ACOXL: variants seen among roughly 807,000 people sequenced by gnomAD.
ACOXL encodes the protein acyl-CoA oxidase like.
Under a neutral mutation model 71.9 loss-of-function variants are expected in ACOXL, and 70 were observed. The observed-to-expected ratio is 0.97, with a 90% CI of 0.80 to 1.19. ACOXL has a LOEUF of 1.19. Among genes scored for constraint, ACOXL ranks in the 50% most tolerant of loss-of-function variants. The pLI is 0.00. For missense variants in ACOXL, 703 were observed against 736.3 expected (o/e 0.95, Z 0.52); for synonymous variants, 253 against 281.6 (o/e 0.90, Z 1.02).
intron 17 of ACOXL, among the ~76,000 whole-genome samples, chr2:111,106,929 G>A (rs1242620997): frequency 2.6e-5 from 4 of 152,142 alleles, no homozygotes; most frequent in Non-Finnish European, 5.9e-5. Flanking sequence ...CTCTGTTACC[G>A]CCATGTGATG....
At position 110,938,259 on chromosome 2, in the gene ACOXL, G is replaced by A. The variant is rs532619962; in HGVS notation, c.1059+4617G>A. 2.0e-5 allele frequency among the ~76,000 whole-genome samples: 3 copies of A among 152,334 alleles called. No homozygotes were observed. In the East Asian group the frequency reaches 5.8e-4, roughly 29 times the overall value. On this transcript the variant is annotated intron_variant, in intron 12 of 17. Transcript: ENST00000439055. Reference sequence around the variant, plus strand: ...GGTGCACTGAGGGACACCATGACAGGCATGGGCTGGGTCTCAGTGAGGATG... The same window carrying A: ...GGTGCACTGAGGGACACCATGACAGACATGGGCTGGGTCTCAGTGAGGATG...
intron 10 of ACOXL, among the ~76,000 whole-genome samples, chr2:110,905,393 T>A (rs1358531074): frequency 6.6e-6 from 1 of 152,166 alleles, no homozygotes; most frequent in Non-Finnish European, 1.5e-5. Flanking sequence ...GAGAAAAGGC[T>A]GGAACACTCA....
chr2:110,884,545 T>G (rs1697063170), intron 10 of ACOXL, among the ~76,000 whole-genome samples: 1 of 152,156 alleles, frequency 6.6e-6, no homozygotes, highest in African/African-American at 2.4e-5. Context: ...TGTTATTAAG[T>G]GAAAAAAACT....
At chr2:110,790,547 C>G (rs1684517981) in intron 3 of ACOXL, among the ~76,000 whole-genome samples, 1 of 152,174 alleles carries the variant, frequency 6.6e-6, no homozygotes, top group Non-Finnish European at 1.5e-5. Context: ...AAGGTGGGTG[C>G]ATGTTTGAAG....
At chr2:110,755,311 T>C (rs1040211517) in intron 1 of ACOXL, among the ~76,000 whole-genome samples, 3 of 152,056 alleles carry the variant, frequency 2.0e-5, no homozygotes, top group African/African-American at 4.8e-5. Flanking sequence ...ATTTGCCTAA[T>C]CTCCATATCT....
rs151309358 is a variant in ACOXL at position 111,051,426 on chromosome 2, C to T, written c.1440+2138C>T. 5.0e-3 allele frequency among the ~76,000 whole-genome samples: 767 copies of T among 152,312 alleles called. 11 individuals are homozygous for T. Among genetic ancestry groups the T allele is most frequent in the African/African-American group, 0.018 (742 of 41,568 alleles). Reference sequence around the variant, plus strand: ...TAAATTCCCACATTTAACTTAACCTCATGAAAACTTGTTGGAGGCAAAAAA... The same window carrying T: ...TAAATTCCCACATTTAACTTAACCTTATGAAAACTTGTTGGAGGCAAAAAA... On this transcript the variant is annotated intron_variant, in intron 16 of 17. Transcript: ENST00000439055.
intron 2 of ACOXL, among the ~76,000 whole-genome samples, chr2:110,775,375 T>A (rs1431884028): frequency 6.6e-6 from 1 of 152,070 alleles, no homozygotes; most frequent in Admixed American, 6.5e-5. Flanking sequence ...TAAGTAAAAA[T>A]TTATATAAAA....
intron 12 of ACOXL, chr2:110,963,682 C>A: frequency 6.2e-7 from 1 of 1,613,840 alleles, no homozygotes; most frequent in Non-Finnish European, 8.5e-7. Flanking sequence ...GTGTTTGCCA[C>A]TTTTGAAGGT....
chr2:110,825,501 C>A (rs763898123), intron 9 of ACOXL, among the ~76,000 whole-genome samples: 6 of 152,094 alleles, frequency 3.9e-5, no homozygotes, highest in Non-Finnish European at 5.9e-5. Context: ...AGGGGGCTCA[C>A]ACTGCCACAC....
rs2070496676 is a variant in ACOXL, at chr2:111,118,473, T to C, written c.*657T>C. ...CAAGACAAGGCGCGGAAAACATTTT[T>C]ACCATCTGACGCTGTAGTCTGTCCT... On this transcript the variant is annotated 3_prime_UTR_variant, in exon 18 of 18. Coordinates refer to ENST00000439055, the MANE Select transcript of ACOXL (RefSeq NM_001142807.4). Among the ~76,000 whole-genome samples the C allele has an allele frequency of 6.6e-6, 1 of 152,194 alleles. No homozygotes were observed. Among genetic ancestry groups the C allele is most frequent in the African/African-American group, 2.4e-5 (1 of 41,440 alleles).
chr2:111,109,711 C>T (rs2069812243), intron 17 of ACOXL, among the ~76,000 whole-genome samples: 1 of 122,846 alleles, frequency 8.1e-6, no homozygotes, highest in Admixed American at 9.5e-5. Context: ...CAGAGTCTCG[C>T]TCTTTCACCC....
intron 12 of ACOXL, among the ~76,000 whole-genome samples, chr2:110,934,817 T>C (rs2060602098): frequency 6.6e-6 from 1 of 152,120 alleles, no homozygotes; most frequent in South Asian, 2.1e-4. Flanking sequence ...GGGTGGGGCA[T>C]GTCTGCTTCA....
chr2:110,809,593 C>T (rs1687070507), intron 9 of ACOXL, among the ~76,000 whole-genome samples: 1 of 152,222 alleles, frequency 6.6e-6, no homozygotes, highest in African/African-American at 2.4e-5. Context: ...GACACACAAT[C>T]TTTTCCTACG....
intron 9 of ACOXL, among the ~76,000 whole-genome samples, chr2:110,821,075 C>T (rs892217886): frequency 1.3e-5 from 2 of 152,166 alleles, no homozygotes; most frequent in African/African-American, 2.4e-5. Context: ...TGTTGTACCT[C>T]ATAAGTTCTA....
chr2:110,936,836 C>A (rs189066767), intron 12 of ACOXL, among the ~76,000 whole-genome samples: 125 of 144,300 alleles, frequency 8.7e-4, no homozygotes, highest in African/African-American at 3.1e-3. Context: ...CTCTCTGAAC[C>A]ACTTATTTTA....
chr2:110,819,498 T>TG (rs934686706), intron 9 of ACOXL, among the ~76,000 whole-genome samples: 5 of 152,072 alleles, frequency 3.3e-5, no homozygotes, highest in Admixed American at 2.6e-4. Flanking sequence ...TGAGGGACTC[T>TG]GGACAAAGCC....
At chr2:111,015,461 C>T (rs2064380353) in intron 14 of ACOXL, among the ~76,000 whole-genome samples, 2 of 152,168 alleles carry the variant, frequency 1.3e-5, no homozygotes, top group South Asian at 2.1e-4. Context: ...AAATGATTGA[C>T]AACACTCCAT....
chr2:111,067,016 TATATTGAATTTG>T (rs2067107532), intron 16 of ACOXL, among the ~76,000 whole-genome samples: 1 of 152,196 alleles, frequency 6.6e-6, no homozygotes, highest in African/African-American at 2.4e-5. Context: ...GTAACGGACA[TATATTGAATTTG>T]GTTCCTGACA....
intron 10 of ACOXL, among the ~76,000 whole-genome samples, chr2:110,844,983 T>A (rs1357273997): frequency 1.3e-5 from 2 of 152,236 alleles, no homozygotes. Context: ...TTGGATTGGC[T>A]GAAACTTCTA....
Sources: allele counts gnomAD v4.1 joint callset (sites outside exome capture counted in the v4.1 genomes callset), GRCh38; gene constraint gnomAD v4.1.1; transcripts MANE v1.5; gene names NCBI Gene and HGNC (gene_info 2026-07-23, HGNC 2026-07-21).